The following GMNC variants were observed in gnomAD, a reference collection of about 807,000 sequenced individuals.
GMNC encodes the protein geminin coiled-coil domain-containing protein 1.
A neutral mutation model predicts 33.6 loss-of-function variants in GMNC; 16 were observed. That is an observed-to-expected ratio of 0.48 (90% CI 0.32 to 0.72). GMNC has a LOEUF of 0.72. Among genes scored for constraint, GMNC ranks in the 30% least tolerant of loss-of-function variants. The pLI is 0.03. For missense variants in GMNC, 393 were observed against 388.9 expected, an observed-to-expected ratio of 1.01 and a Z score of -0.09; for synonymous variants, 156 against 147.3, an observed-to-expected ratio of 1.06 and a Z score of -0.43.
rs1413208844 is a variant in GMNC, at chr3:190,855,582, C to T, written c.718G>A (p.Asp240Asn). ...AVDYKNIPRE[D>N]MPIDYRGDRT... ...TCACCTCTATAGTCAATTGGCATATCCTCTCTGGGGATATTTTTATAATCA... is the reference window on the plus strand; with the variant it reads ...TCACCTCTATAGTCAATTGGCATATTCTCTCTGGGGATATTTTTATAATCA... Residue 240 changes from aspartate (D) to asparagine (N), a missense_variant, in exon 5 of 5, where the codon GAT (aspartate) becomes AAT (asparagine). Coordinates refer to ENST00000442080, the MANE Select transcript of GMNC (RefSeq NM_001146686.3). 1 of 1,551,530 alleles carries T rather than the reference C, an allele frequency of 6.4e-7. No homozygotes were observed. The highest frequency in any genetic ancestry group is 2.0e-5 in the Admixed American group (1 of 50,992).
chr3:190,844,209 G>T, the GMNC span, among the ~76,000 whole-genome samples: 1,596 of 152,014 alleles, frequency 0.01, 28 homozygotes, highest in African/African-American at 0.037. Flanking sequence ...AATTACCTTT[G>T]CTTATTATGT....
Position 190,855,205 on chromosome 3 carries a change from G to A in GMNC, c.*90C>T. The A allele has an allele frequency of 7.7e-7, 1 of 1,307,140 alleles. No individual in the cohort carries two copies. The highest frequency in any genetic ancestry group is 1.0e-6 in the Non-Finnish European group (1 of 957,012). 81.0% of individuals were successfully genotyped at this position (1,307,140 alleles called of 1,614,324 possible). A position where few individuals can be genotyped will look rare whatever the true frequency, so the allele number is the denominator to read the frequency against. ...GTGGCAGGAGACAGTCTAAGCAACA[G>A]CTTCTGTGTTCCACATAGTCAAATT... On this transcript the variant is annotated 3_prime_UTR_variant, in exon 5 of 5. Coordinates refer to ENST00000442080, the MANE Select transcript of GMNC (RefSeq NM_001146686.3).
chr3:190,857,688 A>C (rs750478690), intron 4 of GMNC, 95 bp downstream of exon 4: 12 of 679,206 alleles, frequency 1.8e-5, no homozygotes, highest in Non-Finnish European at 2.9e-5. Context: ...ATGCATATCA[A>C]GATACACTGT....
In GMNC at chr3:190,855,643, G is replaced by T. The variant is rs995010254; in HGVS notation, c.657C>A (p.Val219=). Residue 219 remains valine (V), a synonymous_variant, in exon 5 of 5, where the codon GTC becomes GTA. Coordinates refer to ENST00000442080, the MANE Select transcript of GMNC (RefSeq NM_001146686.3). ...CCGGAAACTGGGAAAATGTGCTGGC[G>T]ACTCTTCTGGGATGAGATGCGAGGG... ...YSALASHPRR[V]ASTFSQFPDD... is the part of the protein sequence containing the mutation. The T allele has an allele frequency of 6.4e-7, 1 of 1,551,478 alleles. No individual in the cohort carries two copies. The highest frequency in any genetic ancestry group is 2.4e-5 in the East Asian group (1 of 40,908).
In GMNC at chr3:190,861,327, T is replaced by C. The variant is rs1346699914; in HGVS notation, c.4-469A>G. Among the ~76,000 whole-genome samples the C allele has an allele frequency of 1.3e-5, 2 of 152,234 alleles. No individual in the cohort carries two copies. The highest frequency in any genetic ancestry group is 2.9e-5 in the Non-Finnish European group (2 of 68,046). ...AAGCTGAAATGGATGTGACATAATA[T>C]AGACTAACGTCTTCATTTTTGTTTC... On this transcript the variant is annotated intron_variant, in intron 1 of 4. Transcript: ENST00000442080. This position sits in a 1 kb window ranked among gnomAD's most constrained non-coding sequence, Gnocchi z 5.1.
chr3:190,856,544 C>G (rs2108531220), intron 4 of GMNC, among the ~76,000 whole-genome samples: 1 of 137,924 alleles, frequency 7.3e-6, no homozygotes, highest in South Asian at 2.3e-4. Flanking sequence ...AATGAACTAT[C>G]ATTTACTACA....
chr3:190,855,103 C>G lies in GMNC; in HGVS notation c.*192G>C. The stretch of plus-strand genomic sequence containing the variant: ...ACAAGTCAAATTTAGGTAAAAGAAG[C>G]GCGGACACGTTTCATTATGGATTCT... On this transcript the variant is annotated 3_prime_UTR_variant, in exon 5 of 5. Transcript: ENST00000442080. 1 of 599,740 alleles carries G rather than the reference C, an allele frequency of 1.7e-6. No homozygotes were observed. Among genetic ancestry groups the G allele is most frequent in the East Asian group, 2.9e-5 (1 of 34,882 alleles). 37.2% of individuals were successfully genotyped at this position (599,740 alleles called of 1,614,324 possible).
intron 2 of GMNC, chr3:190,859,658 A>G: frequency 3.4e-6 from 1 of 292,074 alleles, no homozygotes; most frequent in Non-Finnish European, 6.9e-6. Flanking sequence ...TGTATATTTT[A>G]TAAATGTTTT....
At position 190,862,605 on chromosome 3, in the gene GMNC, T is replaced by G. The variant is rs1322960595; in HGVS notation, c.3+8A>C. 1.9e-6 allele frequency: 3 copies of G among 1,551,158 alleles called. No individual in the cohort carries two copies. In the East Asian group the frequency reaches 7.3e-5, roughly 38 times the overall value. Reference sequence around the variant, plus strand: ...CAGCGGACTAGCTAACGCCAGTTCCTCACTTACCATCTTGCAGTGGAAGAA... The same window carrying G: ...CAGCGGACTAGCTAACGCCAGTTCCGCACTTACCATCTTGCAGTGGAAGAA... On this transcript the variant is annotated splice_region_variant and intron_variant, in intron 1 of 4. Transcript: ENST00000442080. The surrounding 1 kb of genome is among the most constrained non-coding windows in gnomAD (Gnocchi z 4.5).
downstream of GMNC, among the ~76,000 whole-genome samples, chr3:190,852,393 C>A (rs1360361192): frequency 6.6e-6 from 1 of 152,064 alleles, no homozygotes; most frequent in African/African-American, 2.4e-5. Flanking sequence ...CTTAAATAAT[C>A]TCATTTATTT....
chr3:190,849,795 A>G (rs1203957684), downstream of GMNC, among the ~76,000 whole-genome samples: 4 of 152,218 alleles, frequency 2.6e-5, no homozygotes, highest in African/African-American at 7.2e-5. Flanking sequence ...TGTTAGAATG[A>G]GTCAGTTTAT....
At position 190,855,934 on chromosome 3, in the gene GMNC, A is replaced by T. The variant is rs1402665305; in HGVS notation, c.385-19T>A. The T allele has an allele frequency of 6.7e-7, 1 of 1,502,174 alleles. No individual in the cohort carries two copies. Among genetic ancestry groups the T allele is most frequent in the Non-Finnish European group, 8.9e-7 (1 of 1,124,248 alleles). 93.1% of individuals were successfully genotyped at this position (1,502,174 alleles called of 1,614,324 possible). On this transcript the variant is annotated intron_variant, in intron 4 of 4. Coordinates refer to ENST00000442080, the MANE Select transcript of GMNC (RefSeq NM_001146686.3). ...GCAATTTCTAGGGAAGTGATATTTGAAAGTTATACTTTTTTCATATATTTA... is the reference window on the plus strand; with the variant it reads ...GCAATTTCTAGGGAAGTGATATTTGTAAGTTATACTTTTTTCATATATTTA...
Position 190,858,923 on chromosome 3 carries a change from C to T in GMNC, c.267+5G>A, listed in dbSNP as rs905437976. On this transcript the variant is annotated splice_donor_5th_base_variant and intron_variant, in intron 3 of 4. Transcript: ENST00000442080. ...ACCAGTCTCAATGTTCTGACTTACA[C>T]ATACCTGCTTATTTCTGTAGAGCTG... The T allele has an allele frequency of 6.5e-7, 1 of 1,526,772 alleles. No individual in the cohort carries two copies. The highest frequency in any genetic ancestry group is 8.9e-7 in the Non-Finnish European group (1 of 1,124,868). 94.6% of individuals were successfully genotyped at this position (1,526,772 alleles called of 1,614,324 possible). A position where few individuals can be genotyped will look rare whatever the true frequency, so the allele number is the denominator to read the frequency against.
At chr3:190,845,548 C>G in the GMNC span, among the ~76,000 whole-genome samples, 1 of 138,846 alleles carries the variant, frequency 7.2e-6, no homozygotes, top group Non-Finnish European at 1.5e-5. Context: ...CTCGCTCTAT[C>G]CCCCAGACTG....
intron 3 of GMNC, 24 bp downstream of exon 3, chr3:190,858,904 C>A: frequency 7.3e-7 from 1 of 1,362,798 alleles, no homozygotes; most frequent in South Asian, 1.3e-5. Context: ...CATGACCAGT[C>A]TCAATGTTCT....
At chr3:190,843,929 G>A in the GMNC span, among the ~76,000 whole-genome samples, 1 of 152,142 alleles carries the variant, frequency 6.6e-6, no homozygotes, top group Non-Finnish European at 1.5e-5. Flanking sequence ...TTTAAGTAGT[G>A]TATTGTTTTA....
chr3:190,858,023 G>T, intron 3 of GMNC, 124 bp from the exon 4 acceptor site: 1 of 649,850 alleles, frequency 1.5e-6, no homozygotes, highest in South Asian at 1.8e-5. Context: ...ACAAGCACAG[G>T]GAGCCCTCAT....
the GMNC span, among the ~76,000 whole-genome samples, chr3:190,845,636 A>C: frequency 1.3e-5 from 2 of 149,248 alleles, no homozygotes; most frequent in Non-Finnish European, 3.0e-5. Flanking sequence ...CAGCCTCCCG[A>C]GTAGCTGGGA....
rs924418687 is a variant in GMNC, at chr3:190,855,489, T to C, written c.811A>G (p.Asn271Asp). 7 of 1,551,820 alleles carry C rather than the reference T, an allele frequency of 4.5e-6. No homozygotes were observed. The highest frequency in any genetic ancestry group is 6.1e-6 in the Non-Finnish European group (7 of 1,146,956). Reference sequence around the variant, plus strand: ...AGAGTTTTCAGCCCCACTGGGGGATTTGAAAGTTGAGAAAGGATGTGGAAA... The same window carrying C: ...AGAGTTTTCAGCCCCACTGGGGGATCTGAAAGTTGAGAAAGGATGTGGAAA... Reference protein sequence around the residue: ...EDFHILSQLSNPPVGLKTLPY... With the variant: ...EDFHILSQLSDPPVGLKTLPY... Residue 271 changes from asparagine to aspartate, a missense_variant, in exon 5 of 5, where the codon AAT becomes GAT. Asn to Asp is a conservative substitution (Grantham distance 23). Transcript: ENST00000442080.
Sources: allele counts gnomAD v4.1 joint callset (sites outside exome capture counted in the v4.1 genomes callset), GRCh38; gene constraint gnomAD v4.1.1; non-coding constraint Gnocchi (gnomAD v3.1); transcripts MANE v1.5; gene names NCBI Gene and HGNC (gene_info 2026-07-23, HGNC 2026-07-21).